Variants in ARHGAP17 observed in about 807,000 individuals in gnomAD.
The protein encoded by ARHGAP17 is Rho GTPase activating protein 17.
In ARHGAP17, 57 loss-of-function variants were observed where a neutral mutation model predicts 99.5. That is an observed-to-expected ratio of 0.57 (90% CI 0.46 to 0.71). ARHGAP17 has a LOEUF of 0.71. Among genes scored for constraint, ARHGAP17 ranks in the 30% least tolerant of loss-of-function variants. ARHGAP17 has a pLI of 0.00. For missense variants in ARHGAP17, 1,000 were observed against 1,122.4 expected (o/e 0.89, Z 1.56); for synonymous variants, 417 against 429.6 (o/e 0.97, Z 0.36).
At chr16:24,979,633 G>A (rs990312756) in intron 1 of ARHGAP17, among the ~76,000 whole-genome samples, 3 of 151,942 alleles carry the variant, frequency 2.0e-5, no homozygotes, top group South Asian at 2.1e-4. Flanking sequence ...AAACCAACAC[G>A]GTGGCCAGCA....
chr16:24,953,132 C>T, intron 10 of ARHGAP17, 90 bp from the exon 11 acceptor site: 1 of 1,132,888 alleles, frequency 8.8e-7, no homozygotes, highest in Non-Finnish European at 1.3e-6. Flanking sequence ...TTCCTGACTT[C>T]CGCTCACCTC....
intron 19 of ARHGAP17, chr16:24,927,567 A>G (rs1223156455): frequency 3.3e-6 from 1 of 305,930 alleles, no homozygotes; most frequent in African/African-American, 2.2e-5. Flanking sequence ...TGCATGCACT[A>G]TTAGTAGGGA....
intron 17 of ARHGAP17, 142 bp from the exon 18 acceptor site, chr16:24,935,781 C>A: frequency 2.3e-6 from 2 of 880,998 alleles, no homozygotes; most frequent in East Asian, 2.6e-5. Flanking sequence ...CTAGCTCACA[C>A]TGGGCTTATA....
At chr16:24,983,477 A>AT (rs2052764284) in intron 1 of ARHGAP17, among the ~76,000 whole-genome samples, 1 of 149,354 alleles carries the variant, frequency 6.7e-6, no homozygotes, top group South Asian at 2.1e-4. Flanking sequence ...AATTTTTAAA[A>AT]TTTTTTTTAT....
intron 19 of ARHGAP17, chr16:24,930,555 C>G: frequency 1.2e-6 from 1 of 810,528 alleles, no homozygotes; most frequent in Admixed American, 1.9e-5. Flanking sequence ...CACGACTACC[C>G]AGCTCTGCTG....
At chr16:24,930,528 G>A (rs556817253) in intron 19 of ARHGAP17, among the ~76,000 whole-genome samples, 113 of 152,284 alleles carry the variant, frequency 7.4e-4, no homozygotes, top group Non-Finnish European at 1.0e-3. Context: ...AACTTTGTGG[G>A]CCACAGGATC....
intron 1 of ARHGAP17, among the ~76,000 whole-genome samples, chr16:25,006,749 G>A (rs891163677): frequency 2.0e-5 from 3 of 152,176 alleles, no homozygotes; most frequent in African/African-American, 7.2e-5. Flanking sequence ...TACCCTGCAG[G>A]CCAAAGTCTC....
intron 1 of ARHGAP17, among the ~76,000 whole-genome samples, chr16:24,985,421 C>T (rs2052834392): frequency 6.6e-6 from 1 of 152,232 alleles, no homozygotes; most frequent in Admixed American, 6.5e-5. Context: ...AGGGGAGCAT[C>T]TGCTTCCTCG....
In ARHGAP17 at chr16:24,952,344, A is replaced by G. The variant is rs371884905; in HGVS notation, c.991T>C (p.Leu331=). 9 of 1,613,264 alleles carry G rather than the reference A, an allele frequency of 5.6e-6. No homozygotes were observed. Among genetic ancestry groups the G allele is most frequent in the Non-Finnish European group, 7.6e-6 (9 of 1,179,698 alleles). ...TTAAAAGTCATCAAAGGTTCAGGCA[A>G]TTCCCGTAAATAGGATTTTAAAGCA... The part of the protein sequence containing the change: ...AGALKSYLRE[L]PEPLMTFNLY... Residue 331 remains leucine, a synonymous_variant, in exon 12 of 20, where the codon TTG becomes CTG. Coordinates refer to ENST00000289968, the MANE Select transcript of ARHGAP17 (RefSeq NM_001006634.3).
intron 3 of ARHGAP17, among the ~76,000 whole-genome samples, chr16:24,973,856 C>T (rs2052438809): frequency 6.6e-6 from 1 of 152,160 alleles, no homozygotes; most frequent in Non-Finnish European, 1.5e-5. Context: ...TCTTGGACTG[C>T]GTCTCAAGGA....
chr16:25,010,236 C>G (rs8047471), intron 1 of ARHGAP17, among the ~76,000 whole-genome samples: 3,514 of 152,098 alleles, frequency 0.023, 138 homozygotes, highest in African/African-American at 0.08. Context: ...CCACTCCTGG[C>G]TAGTTTTCTG....
At chr16:24,996,122 G>GA (rs2053186107) in intron 1 of ARHGAP17, among the ~76,000 whole-genome samples, 1 of 152,022 alleles carries the variant, frequency 6.6e-6, no homozygotes, top group Non-Finnish European at 1.5e-5. Flanking sequence ...TTTGGGGGGG[G>GA]AGGGAAATAA....
intron 1 of ARHGAP17, among the ~76,000 whole-genome samples, chr16:25,008,807 T>C (rs138677929): frequency 2.2e-4 from 33 of 152,346 alleles, no homozygotes; most frequent in African/African-American, 7.7e-4. Context: ...GAAAATTTTC[T>C]ACTGGTTCAT....
chr16:25,005,395 T>C (rs542767642), intron 1 of ARHGAP17, among the ~76,000 whole-genome samples: 5 of 152,364 alleles, frequency 3.3e-5, no homozygotes, highest in African/African-American at 1.2e-4. Flanking sequence ...CATCACTGTA[T>C]CTGTTGAGGA....
At chr16:24,963,844 C>G in intron 7 of ARHGAP17, among the ~76,000 whole-genome samples, 1 of 152,124 alleles carries the variant, frequency 6.6e-6, no homozygotes, top group Admixed American at 6.5e-5. Flanking sequence ...TATTTTAATG[C>G]TTCTTATACA....
At chr16:25,011,134 G>A (rs1417050265) in intron 1 of ARHGAP17, among the ~76,000 whole-genome samples, 1 of 152,066 alleles carries the variant, frequency 6.6e-6, no homozygotes, top group Non-Finnish European at 1.5e-5. Flanking sequence ...TGCATCTAAG[G>A]GTTTTCAAGA....
intron 19 of ARHGAP17, chr16:24,927,610 T>C: frequency 1.3e-6 from 1 of 776,134 alleles, no homozygotes; most frequent in South Asian, 2.3e-5. Flanking sequence ...GGCCAGTTAG[T>C]AACAGGCATG....
rs148783358 is a variant in ARHGAP17 at position 24,980,436 on chromosome 16, G to C, written c.54-1431C>G. Among the ~76,000 whole-genome samples the C allele has an allele frequency of 2.6e-3, 403 of 152,334 alleles. 2 individuals carry two copies. Among genetic ancestry groups the C allele is most frequent in the African/African-American group, 9.3e-3 (388 of 41,570 alleles). ...CTGACTCAAATACTTCCCAGGGCCAGAGGATCAGGGCCTAGAGACAAAGCC... is the reference window on the plus strand; with the variant it reads ...CTGACTCAAATACTTCCCAGGGCCACAGGATCAGGGCCTAGAGACAAAGCC... On this transcript the variant is annotated intron_variant, in intron 1 of 19. Transcript: ENST00000289968.
intron 11 of ARHGAP17, 67 bp downstream of exon 11, chr16:24,952,864 T>G (rs1249365629): frequency 1.4e-6 from 2 of 1,436,366 alleles, no homozygotes; most frequent in Non-Finnish European, 1.9e-6. Flanking sequence ...ACTGACCATC[T>G]GTCTGAGACA....
Sources: allele counts gnomAD v4.1 joint callset (sites outside exome capture counted in the v4.1 genomes callset), GRCh38; gene constraint gnomAD v4.1.1; transcripts MANE v1.5; gene names NCBI Gene and HGNC (gene_info 2026-07-23, HGNC 2026-07-21).